The following MGAT4C variants were observed in gnomAD, a reference collection of about 807,000 sequenced individuals.
The protein encoded by MGAT4C is alpha-1,3-mannosyl-glycoprotein 4-beta-N-acetylglucosaminyltransferase C.
Under a neutral mutation model 40.1 loss-of-function variants are expected in MGAT4C, and 19 were observed. That is an observed-to-expected ratio of 0.47 (90% confidence interval 0.33 to 0.70). The LOEUF is 0.70. Among genes scored for constraint, MGAT4C ranks in the 30% least tolerant of loss-of-function variants. MGAT4C has a pLI of 0.02. For synonymous variants in MGAT4C, 181 were observed against 187.1 expected (o/e 0.97, Z 0.27); for missense variants, 491 against 563.2 (o/e 0.87, Z 1.30).
At chr12:86,705,104 A>T (rs559948300) in intron 2 of MGAT4C, among the ~76,000 whole-genome samples, 1 of 152,216 alleles carries the variant, frequency 6.6e-6, no homozygotes, top group East Asian at 1.9e-4. Context: ...CTTTTCCAGA[A>T]TAGCCTCAAT....
At chr12:86,381,913 A>C (rs1016770804) in intron 3 of MGAT4C, among the ~76,000 whole-genome samples, 24 of 152,134 alleles carry the variant, frequency 1.6e-4, no homozygotes, top group African/African-American at 5.6e-4. Context: ...TCTCTTGTCT[A>C]CCACCATGTG....
intron 4 of MGAT4C, among the ~76,000 whole-genome samples, chr12:86,282,108 C>T (rs779419830): frequency 2.2e-4 from 33 of 152,200 alleles, no homozygotes; most frequent in South Asian, 6.2e-4. Context: ...TCTTTCATCA[C>T]CAGACTAGTG....
At chr12:86,504,065 A>T (rs1447579771) in intron 2 of MGAT4C, among the ~76,000 whole-genome samples, 1 of 150,818 alleles carries the variant, frequency 6.6e-6, no homozygotes, top group Non-Finnish European at 1.5e-5. Context: ...AACAAACCTA[A>T]GAAAAAATGC....
chr12:86,331,577 T>C (rs558901428), intron 4 of MGAT4C, among the ~76,000 whole-genome samples: 2 of 152,260 alleles, frequency 1.3e-5, no homozygotes, highest in South Asian at 4.1e-4. Flanking sequence ...CTGGTGTTTC[T>C]ATCTATTAGG....
At chr12:86,817,912 G>C (rs1380527970) in intron 1 of MGAT4C, among the ~76,000 whole-genome samples, 1 of 151,182 alleles carries the variant, frequency 6.6e-6, no homozygotes, top group South Asian at 2.1e-4. Flanking sequence ...AATTTGAACT[G>C]GTTCCTTCCA....
At chr12:86,083,581 C>T (rs762036810) in intron 1 of MGAT4C, among the ~76,000 whole-genome samples, 15 of 151,880 alleles carry the variant, frequency 9.9e-5, no homozygotes, top group African/African-American at 3.6e-4. Flanking sequence ...ATCACAGAGA[C>T]ACGATTGAGG....
At chr12:86,225,093 AAG>A (rs1951025764) in intron 1 of MGAT4C, among the ~76,000 whole-genome samples, 2 of 147,262 alleles carry the variant, frequency 1.4e-5, no homozygotes, top group South Asian at 4.2e-4. Flanking sequence ...AAATGAAAAA[AAG>A]AGATTTTATA....
intron 2 of MGAT4C, among the ~76,000 whole-genome samples, chr12:86,621,714 G>A (rs760445301): frequency 4.4e-4 from 67 of 152,170 alleles, no homozygotes; most frequent in Non-Finnish European, 8.2e-4. Context: ...CTGGGCTCAA[G>A]TGATCCTCCT....
chr12:86,448,188 A>C (rs756865342), intron 2 of MGAT4C, among the ~76,000 whole-genome samples: 9 of 152,164 alleles, frequency 5.9e-5, no homozygotes, highest in Non-Finnish European at 1.3e-4. Flanking sequence ...AATTCCATAG[A>C]AGGATGGAGC....
At chr12:86,703,368 T>C (rs1950397187) in intron 2 of MGAT4C, among the ~76,000 whole-genome samples, 1 of 151,888 alleles carries the variant, frequency 6.6e-6, no homozygotes, top group Non-Finnish European at 1.5e-5. Context: ...TAGAGAAATC[T>C]GTTGTAAAAG....
chr12:86,075,747 G>C (rs2135528184), intron 1 of MGAT4C, among the ~76,000 whole-genome samples: 1 of 152,320 alleles, frequency 6.6e-6, no homozygotes, highest in Middle Eastern at 3.4e-3. Context: ...CAGGCTTGGG[G>C]CTTCCATCCT....
At chr12:86,335,195 C>A (rs978637985) in intron 3 of MGAT4C, among the ~76,000 whole-genome samples, 4 of 151,988 alleles carry the variant, frequency 2.6e-5, no homozygotes, top group Admixed American at 6.6e-5. Context: ...CTTGACTGAA[C>A]TATATATAGG....
intron 1 of MGAT4C, among the ~76,000 whole-genome samples, chr12:86,765,425 A>G (rs898630342): frequency 6.6e-6 from 1 of 152,250 alleles, no homozygotes; most frequent in South Asian, 2.1e-4. Context: ...GAATGGAACC[A>G]AGTTGGAAAA....
intron 1 of MGAT4C, among the ~76,000 whole-genome samples, chr12:86,169,432 T>C (rs1886553850): frequency 6.6e-6 from 1 of 152,190 alleles, no homozygotes; most frequent in Admixed American, 6.6e-5. Flanking sequence ...AATAATCATT[T>C]ATACTCTTCA....
At chr12:86,642,792 T>C (rs549976683) in intron 2 of MGAT4C, among the ~76,000 whole-genome samples, 46 of 151,602 alleles carry the variant, frequency 3.0e-4, no homozygotes, top group African/African-American at 1.0e-3. Flanking sequence ...ACATTTTATA[T>C]GTATATATAT....
chr12:86,180,080 G>A (rs990705137), intron 1 of MGAT4C, among the ~76,000 whole-genome samples: 1 of 152,180 alleles, frequency 6.6e-6, no homozygotes, highest in South Asian at 2.1e-4. Context: ...GGGACTTGGT[G>A]CCCTGTGTTC....
chr12:86,434,667 T>G (rs908410429), intron 3 of MGAT4C, among the ~76,000 whole-genome samples: 2 of 151,956 alleles, frequency 1.3e-5, no homozygotes, highest in African/African-American at 4.8e-5. Context: ...TCCAGAATAA[T>G]CCCCAGCTTT....
chr12:86,684,162 G>A (rs891814349), intron 2 of MGAT4C, among the ~76,000 whole-genome samples: 2 of 151,914 alleles, frequency 1.3e-5, no homozygotes, highest in African/African-American at 2.4e-5. Context: ...GATCACTTGA[G>A]GTCATGCATT....
chr12:86,515,036 G>T (rs1359377296), intron 2 of MGAT4C, among the ~76,000 whole-genome samples: 2 of 152,118 alleles, frequency 1.3e-5, no homozygotes, highest in Non-Finnish European at 2.9e-5. Context: ...ATACAAAGGA[G>T]GTTCTTTGAG....
Sources: gnomAD v4.1 joint callset for allele counts (sites outside exome capture counted in the v4.1 genomes callset) on GRCh38, gnomAD v4.1.1 for gene constraint, MANE v1.5 for transcripts, NCBI Gene and HGNC (gene_info 2026-07-23, HGNC 2026-07-21) for gene names.